The following YES1 variants were observed in gnomAD, a reference collection of about 807,000 sequenced individuals.
YES1 encodes the protein tyrosine-protein kinase Yes.
YES1 carries 39 observed loss-of-function variants against 70.4 expected under a neutral mutation model. That is an observed-to-expected ratio of 0.55 (90% confidence interval 0.43 to 0.72). YES1 has a LOEUF of 0.72. Ranked by LOEUF, YES1 falls within the 30% of genes least tolerant of loss-of-function variation. YES1 has a pLI of 0.00. For missense variants in YES1, 495 were observed against 644.8 expected (o/e 0.77, Z 2.52); for synonymous variants, 198 against 218.6 (o/e 0.91, Z 0.83).
intron 1 of YES1, among the ~76,000 whole-genome samples, chr18:762,936 T>C (rs368599466): frequency 2.0e-5 from 3 of 152,120 alleles, no homozygotes; most frequent in African/African-American, 4.8e-5. Flanking sequence ...CAAAATACCA[T>C]GGAAATACAA....
chr18:745,092 C>G (rs2080263874), intron 6 of YES1, among the ~76,000 whole-genome samples: 1 of 152,056 alleles, frequency 6.6e-6, no homozygotes, highest in African/African-American at 2.4e-5. Flanking sequence ...GAAGACATTA[C>G]CATGGAAACA....
At chr18:735,161 C>CAAAAAAAAAAA (rs71174281) in intron 10 of YES1, among the ~76,000 whole-genome samples, 62 of 110,632 alleles carry the variant, frequency 5.6e-4, no homozygotes, top group Non-Finnish European at 7.2e-4. Context: ...TGTCTCAAAG[C>CAAAAAAAAAAA]AAAAAAAAAA....
chr18:761,692 A>G (rs1208005593), intron 1 of YES1, among the ~76,000 whole-genome samples: 5 of 152,176 alleles, frequency 3.3e-5, no homozygotes, highest in African/African-American at 1.2e-4. Context: ...TCACACATCT[A>G]CGCACTTATC....
At chr18:781,260 ACT>A (rs1217925364) in intron 1 of YES1, among the ~76,000 whole-genome samples, 1 of 117,880 alleles carries the variant, frequency 8.5e-6, no homozygotes, top group East Asian at 2.5e-4. Flanking sequence ...CGAGAGTGAA[ACT>A]CTGTCTCAAA....
Position 771,275 on chromosome 18 carries a change from G to A in YES1, c.-8-14440C>T, listed in dbSNP as rs140585085. ...CCAGCTACCTGGGAAGCTGAGGCAT[G>A]AGACTCATTTGAACCTAGGAGGCGG... On this transcript the variant is annotated intron_variant, in intron 1 of 11. Coordinates refer to ENST00000314574, the MANE Select transcript of YES1 (RefSeq NM_005433.4). Among the ~76,000 whole-genome samples, 640 of 152,124 alleles carry A rather than the reference G, an allele frequency of 4.2e-3. 3 individuals are homozygous for A. Among genetic ancestry groups the A allele is most frequent in the African/African-American group, 0.015 (611 of 41,488 alleles).
At chr18:751,333 T>A (rs2145726962) in intron 3 of YES1, among the ~76,000 whole-genome samples, 1 of 151,552 alleles carries the variant, frequency 6.6e-6, no homozygotes, top group African/African-American at 2.4e-5. Context: ...TTTCTCCCCC[T>A]CCTTTTTTTT....
chr18:732,223 G>A (rs2080098909), intron 11 of YES1, among the ~76,000 whole-genome samples: 1 of 151,818 alleles, frequency 6.6e-6, no homozygotes, highest in Admixed American at 6.6e-5. Context: ...TGGATCACCT[G>A]AGGTCAGGAG....
At chr18:775,167 T>C (rs1243991966) in intron 1 of YES1, 1 of 152,134 alleles carries the variant, frequency 6.6e-6, no homozygotes, top group Admixed American at 6.6e-5. Context: ...TGAGTAAATA[T>C]ATACATATAT....
At chr18:807,794 C>G (rs541620048) in intron 1 of YES1, among the ~76,000 whole-genome samples, 1 of 152,142 alleles carries the variant, frequency 6.6e-6, no homozygotes, top group Non-Finnish European at 1.5e-5. Context: ...CTCTTGAAGG[C>G]CTTCCACTTC....
chr18:774,563 C>T (rs1905289006), intron 1 of YES1, among the ~76,000 whole-genome samples: 1 of 152,142 alleles, frequency 6.6e-6, no homozygotes, highest in African/African-American at 2.4e-5. Flanking sequence ...ACCCTTATTA[C>T]CTATTTCACA....
intron 8 of YES1, among the ~76,000 whole-genome samples, chr18:742,459 T>TA (rs59582095): frequency 5.4e-4 from 77 of 143,376 alleles, no homozygotes; most frequent in Admixed American, 7.7e-4. Flanking sequence ...AGTCTCTATT[T>TA]AAAAAAAAAA....
intron 1 of YES1, among the ~76,000 whole-genome samples, chr18:762,149 T>C (rs1260292102): frequency 6.6e-6 from 1 of 152,152 alleles, no homozygotes. Flanking sequence ...GGAGAAACCC[T>C]GTCTCTACTA....
At chr18:724,732 T>C in intron 11 of YES1, 100 bp from the exon 12 acceptor site, 1 of 854,552 alleles carries the variant, frequency 1.2e-6, no homozygotes. Flanking sequence ...AGTATATTAT[T>C]TAGTGAAACA....
At chr18:725,666 T>C (rs1056380235) in intron 11 of YES1, among the ~76,000 whole-genome samples, 1 of 151,912 alleles carries the variant, frequency 6.6e-6, no homozygotes, top group African/African-American at 2.4e-5. Context: ...AGGCGGGTGA[T>C]CATCTGAGGT....
chr18:812,012 G>C (rs1163614980), intron 1 of YES1, 102 bp downstream of exon 1: 2 of 137,940 alleles, frequency 1.4e-5, no homozygotes, highest in East Asian at 2.1e-4. Context: ...CGGGGGCGGG[G>C]AACCGCGGCG....
At chr18:725,327 TG>T (rs1338466826) in intron 11 of YES1, among the ~76,000 whole-genome samples, 1 of 152,132 alleles carries the variant, frequency 6.6e-6, no homozygotes, top group East Asian at 1.9e-4. Flanking sequence ...CTTCCCTGCC[TG>T]CAAGTCAGGC....
At chr18:732,718 G>C (rs2080106841) in intron 11 of YES1, 116 bp downstream of exon 11, 5 of 1,336,372 alleles carry the variant, frequency 3.7e-6, no homozygotes, top group Non-Finnish European at 5.3e-6. Context: ...GAGAGGGAGA[G>C]GCAGGGGGAC....
chr18:732,165 A>AC (rs77890744), intron 11 of YES1, among the ~76,000 whole-genome samples: 13,394 of 151,190 alleles, frequency 0.089, 735 homozygotes, highest in East Asian at 0.27. Context: ...CATGATGGGC[A>AC]CGGTGGCTCA....
At chr18:811,594 T>C (rs1225455721) in intron 1 of YES1, among the ~76,000 whole-genome samples, 1 of 152,114 alleles carries the variant, frequency 6.6e-6, no homozygotes, top group Non-Finnish European at 1.5e-5. Context: ...AGGAAAACTT[T>C]AAACATGTTG....
Sources: allele counts gnomAD v4.1 joint callset (sites outside exome capture counted in the v4.1 genomes callset), GRCh38; gene constraint gnomAD v4.1.1; transcripts MANE v1.5; gene names NCBI Gene and HGNC (gene_info 2026-07-23, HGNC 2026-07-21).